LONP1: variants seen among roughly 807,000 people sequenced by gnomAD.
The protein encoded by LONP1 is lon peptidase 1, mitochondrial, also known as lon protease homolog, mitochondrial.
In LONP1, 31 loss-of-function variants were observed where a neutral mutation model predicts 98.5. The observed-to-expected ratio is 0.31, with a 90% CI of 0.24 to 0.42. The LOEUF is 0.42. Ranked by LOEUF, LONP1 falls within the 20% of genes least tolerant of loss-of-function variation. The pLI is 1.00. For missense variants in LONP1, 1,336 were observed against 1,350.6 expected, an observed-to-expected ratio of 0.99 and a Z score of 0.17; for synonymous variants, 781 against 594.7, an observed-to-expected ratio of 1.31 and a Z score of -4.56.
chr19:5,694,173 C>T (rs1207810529), intron 15 of LONP1, among the ~76,000 whole-genome samples: 1 of 152,168 alleles, frequency 6.6e-6, no homozygotes, highest in African/African-American at 2.4e-5. Flanking sequence ...AAGTGGCACC[C>T]AAATCCATAA....
At chr19:5,719,563 G>A in intron 1 of LONP1, 141 bp downstream of exon 1, 2 of 1,483,672 alleles carry the variant, frequency 1.3e-6, no homozygotes, top group South Asian at 1.3e-5. Flanking sequence ...GTGGTGAGCA[G>A]ACAAGGATTC....
intron 11 of LONP1, 31 bp from the exon 12 acceptor site, chr19:5,696,402 C>G (rs184937446): frequency 3.7e-6 from 6 of 1,606,726 alleles, no homozygotes; most frequent in African/African-American, 2.7e-5. Context: ...TGGTGCCCCT[C>G]GCCGTGCCCC....
rs369728825 is a variant in LONP1 at position 5,696,331 on chromosome 19, G to A, written c.1814C>T (p.Ser605Leu). 1.1e-5 allele frequency: 18 copies of A among 1,613,200 alleles called. No individual in the cohort carries two copies. Among genetic ancestry groups the A allele is most frequent in the Admixed American group, 5.0e-5 (3 of 59,998 alleles). The change falls in exon 12 of 18, where the codon TCG (serine) becomes TTG (leucine). Residue 605 changes from serine to leucine, a missense_variant. Physicochemically the swap from Ser to Leu is moderately radical, Grantham distance 145. Around this residue, in one of 5 missense-constraint regions of LONP1, gnomAD observed 555 missense variants for 542.6 expected, o/e 1.02. Transcript: ENST00000360614. Reference protein sequence around the residue: ...IGRGYQGDPSSALLELLDPEQ... With the variant: ...IGRGYQGDPSLALLELLDPEQ... The stretch of plus-strand genomic sequence containing the variant: ...TGGGTCCAGCAGCTCCAGCAGTGCC[G>A]ACGACGGGTCCCCCTGGTAGCCTCG...
intron 13 of LONP1, among the ~76,000 whole-genome samples, chr19:5,695,412 A>T (rs1296553451): frequency 6.6e-6 from 1 of 151,860 alleles, no homozygotes; most frequent in Non-Finnish European, 1.5e-5. Flanking sequence ...GGCACTCCTG[A>T]TGCCCTGAGG....
chr19:5,708,452 G>T (rs781607747), intron 4 of LONP1, 49 bp from the exon 5 acceptor site: 4 of 1,389,236 alleles, frequency 2.9e-6, no homozygotes, highest in East Asian at 2.3e-5. Context: ...GCTCCAGCAG[G>T]GGGTGGGCTG....
chr19:5,720,326 C>T, upstream of LONP1: 2 of 830,014 alleles, frequency 2.4e-6, no homozygotes, highest in Admixed American at 3.6e-5. Flanking sequence ...CGGTCTCCCA[C>T]TTTATGCGCT....
At chr19:5,696,648 C>G in intron 11 of LONP1, 22 bp downstream of exon 11, 2 of 1,609,210 alleles carry the variant, frequency 1.2e-6, no homozygotes, top group Non-Finnish European at 1.7e-6. Flanking sequence ...GTTAGGGGGT[C>G]TCCGGGCCTC....
In LONP1 at chr19:5,708,331, C is replaced by A; in HGVS notation, c.932+11G>T. On this transcript the variant is annotated intron_variant, in intron 5 of 17. Transcript: ENST00000360614. ...GCCCCCGCCTGGCCAGCTGCCCGCA[C>A]AGAGGCCCACCTGTAGAGAGGGTTC... 1 of 1,595,080 alleles carries A rather than the reference C, an allele frequency of 6.3e-7. No individual in the cohort carries two copies.
chr19:5,716,478 G>C (rs886724502), intron 1 of LONP1, among the ~76,000 whole-genome samples: 2 of 150,448 alleles, frequency 1.3e-5, no homozygotes, highest in African/African-American at 4.9e-5. Context: ...CATCCTTTGA[G>C]AGCCAGTGTT....
intron 8 of LONP1, among the ~76,000 whole-genome samples, chr19:5,701,815 CT>C (rs1354397287): frequency 1.3e-5 from 2 of 151,832 alleles, no homozygotes; most frequent in Non-Finnish European, 2.9e-5. Context: ...TGAGGAGCCC[CT>C]CTGCCTGGCT....
intron 7 of LONP1, among the ~76,000 whole-genome samples, chr19:5,706,354 A>T (rs539511617): frequency 1.2e-4 from 19 of 152,260 alleles, no homozygotes; most frequent in Non-Finnish European, 1.5e-4. Flanking sequence ...CACGCCTGTA[A>T]TCCTAGCACT....
intron 6 of LONP1, 92 bp from the exon 7 acceptor site, chr19:5,707,235 T>C (rs930366760): frequency 5.6e-6 from 5 of 889,048 alleles, no homozygotes; most frequent in African/African-American, 4.9e-5. Context: ...CCCTGAGAGA[T>C]GCTGCCGGGA....
intron 7 of LONP1, among the ~76,000 whole-genome samples, chr19:5,706,303 T>C (rs2055144656): frequency 6.6e-6 from 1 of 151,846 alleles, no homozygotes; most frequent in Non-Finnish European, 1.5e-5. Flanking sequence ...CTGGCTCTAA[T>C]TTTAAAATTT....
At chr19:5,693,496 G>T (rs1302885468) in intron 16 of LONP1, 34 bp from the exon 17 acceptor site, 1 of 1,611,758 alleles carries the variant, frequency 6.2e-7, no homozygotes, top group East Asian at 2.2e-5. Flanking sequence ...GGGTGAGCAG[G>T]TGGCCAGCAG....
intron 2 of LONP1, 80 bp from the exon 3 acceptor site, chr19:5,713,333 G>A (rs1055879727): frequency 1.4e-5 from 20 of 1,462,032 alleles, no homozygotes; most frequent in Non-Finnish European, 1.9e-5. Context: ...ATGGAGGAGG[G>A]AGAGAAAAGA....
chr19:5,697,509 G>C (rs78290532), intron 10 of LONP1, among the ~76,000 whole-genome samples: 1 of 146,338 alleles, frequency 6.8e-6, no homozygotes, highest in African/African-American at 2.5e-5. Context: ...AGGGAGGAGG[G>C]GGGGAGAGAA....
In LONP1 at chr19:5,699,507, C is replaced by CT. The variant is rs2055002976; in HGVS notation, c.1507-303dup. 3.3e-5 allele frequency among the ~76,000 whole-genome samples: 5 copies of CT among 152,082 alleles called. No homozygotes were observed. In the South Asian group the frequency reaches 1.0e-3, roughly 32 times the overall value. ...CCCTGAAGACCGCAAATGCTCCACT[C>CT]TCTCCGGTCCAACCCAGAGAAGCAG... is the stretch of plus-strand genomic sequence containing the variant. On this transcript the variant is annotated intron_variant, in intron 9 of 17. Transcript: ENST00000360614.
At chr19:5,708,899 G>A (rs2055191528) in intron 4 of LONP1, 1 of 152,838 alleles carries the variant, frequency 6.5e-6, no homozygotes, top group South Asian at 2.0e-4. Context: ...TGTAGTCCCA[G>A]CTACTCGGGA....
rs375650922 is a variant in LONP1 at position 5,707,792 on chromosome 19, G to A, written c.967C>T (p.Arg323Trp). ...SVLQMMQAGQ[R>W]VVDNPIYLSD... ...AGGTAGATGGGGTTGTCCACCACCC[G>A]CTGGCCAGCCTGCATCATCTGCAGC... Residue 323 changes from arginine (R) to tryptophan (W), a missense_variant, in exon 6 of 18, where the codon CGG becomes TGG. Around this residue, in one of 5 missense-constraint regions of LONP1, gnomAD observed 97 missense variants for 139.0 expected, o/e 0.70. Coordinates refer to ENST00000360614, the MANE Select transcript of LONP1 (RefSeq NM_004793.4). 8.1e-6 allele frequency: 13 copies of A among 1,613,174 alleles called. No homozygotes were observed. The highest frequency in any genetic ancestry group is 4.0e-5 in the African/African-American group (3 of 75,012).
Sources: gnomAD v4.1 joint callset for allele counts (sites outside exome capture counted in the v4.1 genomes callset) on GRCh38, gnomAD v4.1.1 for gene constraint, gnomAD v4.1.1 regional missense constraint, MANE v1.5 for transcripts, NCBI Gene and HGNC (gene_info 2026-07-23, HGNC 2026-07-21) for gene names.